The following SHLD1 variants were observed in gnomAD, a reference collection of about 807,000 sequenced individuals.
SHLD1 encodes the protein shieldin complex subunit 1, also known as RINN1-REV7-interacting novel NHEJ regulator 3.
A neutral mutation model predicts 5.5 loss-of-function variants in SHLD1; 3 were observed. The observed-to-expected ratio is 0.54, with a 90% CI of 0.25 to 1.40. SHLD1 has a LOEUF of 1.40. Among genes scored for constraint, SHLD1 ranks in the 40% most tolerant of loss-of-function variants. The pLI is 0.15. For synonymous variants in SHLD1, 92 were observed against 94.3 expected, an observed-to-expected ratio of 0.98 and a Z score of 0.14; for missense variants, 210 against 244.4, an observed-to-expected ratio of 0.86 and a Z score of 0.94.
At chr20:5,763,290 C>CAAAAAAAAA (rs57863188) in intron 1 of SHLD1, among the ~76,000 whole-genome samples, 5 of 58,110 alleles carry the variant, frequency 8.6e-5, no homozygotes, top group Non-Finnish European at 1.4e-4. Context: ...AACTCCATCT[C>CAAAAAAAAA]AAAAAAAAAA....
chr20:5,752,597 AAAGAAAT>A (rs1983818760), intron 1 of SHLD1, among the ~76,000 whole-genome samples: 1 of 149,870 alleles, frequency 6.7e-6, no homozygotes, highest in South Asian at 2.1e-4. Flanking sequence ...AAAATATGTC[AAAGAAAT>A]ATATTTTGGG....
At chr20:5,764,853 A>T (rs987921788) in intron 1 of SHLD1, among the ~76,000 whole-genome samples, 1 of 152,140 alleles carries the variant, frequency 6.6e-6, no homozygotes, top group East Asian at 1.9e-4. Context: ...TTTGGAGGGA[A>T]GTGGCTGAAT....
intron 1 of SHLD1, among the ~76,000 whole-genome samples, chr20:5,764,160 A>AGATATATATATTT (rs1984667825): frequency 1.6e-5 from 1 of 63,308 alleles, no homozygotes; most frequent in Admixed American, 2.1e-4. Context: ...ATTTATATTT[A>AGATATATATATTT]TATATATATA....
chr20:5,813,090 G>A (rs2087481507), intron 2 of SHLD1, among the ~76,000 whole-genome samples: 1 of 151,938 alleles, frequency 6.6e-6, no homozygotes, highest in Non-Finnish European at 1.5e-5. Context: ...TGCCCCGGCT[G>A]CTCTAGAACT....
intron 2 of SHLD1, among the ~76,000 whole-genome samples, chr20:5,844,770 CATATATATATAT>C (rs150675433): frequency 9.9e-6 from 1 of 101,056 alleles, no homozygotes; most frequent in Non-Finnish European, 1.8e-5. Flanking sequence ...GTGTAGTAGA[CATATATATATAT>C]ATATATATAT....
chr20:5,793,317 A>C (rs2087168259), intron 2 of SHLD1, among the ~76,000 whole-genome samples: 1 of 152,148 alleles, frequency 6.6e-6, no homozygotes, highest in South Asian at 2.1e-4. Context: ...ATGTGCATGT[A>C]AATTTATGTA....
At chr20:5,858,964 A>G (rs1406363900) in intron 2 of SHLD1, among the ~76,000 whole-genome samples, 1 of 152,210 alleles carries the variant, frequency 6.6e-6, no homozygotes, top group Admixed American at 6.5e-5. Flanking sequence ...GTAAATTTCT[A>G]AAGAAATCCT....
intron 1 of SHLD1, among the ~76,000 whole-genome samples, chr20:5,767,204 G>A (rs980141694): frequency 2.6e-5 from 4 of 151,832 alleles, no homozygotes; most frequent in Non-Finnish European, 5.9e-5. Flanking sequence ...GCACAATCTC[G>A]CATCACTGTA....
chr20:5,766,229 T>G (rs1372698691), intron 1 of SHLD1, among the ~76,000 whole-genome samples: 1 of 152,176 alleles, frequency 6.6e-6, no homozygotes, highest in East Asian at 1.9e-4. Context: ...AGGTGTTTGC[T>G]GAAGCTTCAG....
intron 2 of SHLD1, among the ~76,000 whole-genome samples, chr20:5,840,583 G>T (rs892028818): frequency 1.3e-5 from 2 of 152,160 alleles, no homozygotes; most frequent in African/African-American, 4.8e-5. Context: ...GCTTCCAGTT[G>T]TTAGTTTGGA....
intron 2 of SHLD1, among the ~76,000 whole-genome samples, chr20:5,776,619 C>T (rs996954572): frequency 1.1e-4 from 17 of 151,828 alleles, no homozygotes; most frequent in South Asian, 2.1e-4. Context: ...AAAAATTAGC[C>T]GGGCGTGGTG....
chr20:5,773,360 T>A, intron 2 of SHLD1: 1 of 577,754 alleles, frequency 1.7e-6, no homozygotes, highest in East Asian at 2.8e-5. Flanking sequence ...GAGTGGAATT[T>A]TTTTTTGTTT....
intron 2 of SHLD1, among the ~76,000 whole-genome samples, chr20:5,837,394 A>C (rs2087802548): frequency 6.6e-6 from 1 of 152,106 alleles, no homozygotes; most frequent in Non-Finnish European, 1.5e-5. Context: ...TGCTGCACAC[A>C]TCATCCCATC....
chr20:5,790,856 G>A (rs1044235247), intron 2 of SHLD1, among the ~76,000 whole-genome samples: 20 of 152,002 alleles, frequency 1.3e-4, no homozygotes, highest in African/African-American at 4.3e-4. Flanking sequence ...AAAAAATTAC[G>A]ACTTGAATGA....
At chr20:5,850,747 C>A (rs76446423) in intron 2 of SHLD1, among the ~76,000 whole-genome samples, 7,713 of 152,104 alleles carry the variant, frequency 0.051, 376 homozygotes, top group East Asian at 0.19. Context: ...CCTGACCTCG[C>A]GATCTTCTTG....
In SHLD1 at chr20:5,863,327, A is replaced by C; in HGVS notation, c.482A>C (p.Gln161Pro). ...IFNRDGCSVL[Q>P]RHSRDTHFYP... ...AACCGGGACGGCTGCTCCGTCTTAC[A>C]GAGGCATTCCAGGGACACCCACTTC... Residue 161 changes from glutamine to proline, a missense_variant, in exon 3 of 3, where the codon CAG (glutamine) becomes CCG (proline). Gln to Pro is a moderately conservative substitution (Grantham distance 76). Coordinates refer to ENST00000303142, the MANE Select transcript of SHLD1 (RefSeq NM_152504.4). 6.2e-7 allele frequency: 1 copy of C among 1,614,236 alleles called. No individual in the cohort carries two copies.
chr20:5,768,720 C>G (rs1218544770), intron 1 of SHLD1, among the ~76,000 whole-genome samples: 1 of 152,182 alleles, frequency 6.6e-6, no homozygotes, highest in Non-Finnish European at 1.5e-5. Flanking sequence ...TTACACATGG[C>G]ATTTTATTTT....
chr20:5,846,500 T>C (rs758350222), intron 2 of SHLD1, among the ~76,000 whole-genome samples: 22 of 152,246 alleles, frequency 1.4e-4, no homozygotes, highest in Non-Finnish European at 2.6e-4. Context: ...TCCTTTCTAC[T>C]CACAAGTGCT....
rs78951392 is a variant in SHLD1, at chr20:5,845,482, T to C, written c.179-17542T>C. 3.0e-3 allele frequency among the ~76,000 whole-genome samples: 460 copies of C among 152,348 alleles called. 2 individuals carry two copies. The highest frequency in any genetic ancestry group is 0.01 in the African/African-American group (427 of 41,582). ...TCTTAGGACAAAACCAGATTTCTGA[T>C]CTATGGCAATGAACTTTTGCAAAGG... On this transcript the variant is annotated intron_variant, in intron 2 of 2. Coordinates refer to ENST00000303142, the MANE Select transcript of SHLD1 (RefSeq NM_152504.4).
Sources: gnomAD v4.1 joint callset for allele counts (sites outside exome capture counted in the v4.1 genomes callset) on GRCh38, gnomAD v4.1.1 for gene constraint, MANE v1.5 for transcripts, NCBI Gene and HGNC (gene_info 2026-07-23, HGNC 2026-07-21) for gene names.